Variants in GRIA4 observed in about 807,000 individuals in gnomAD.
GRIA4 encodes the protein glutamate receptor 4.
In GRIA4, 34 loss-of-function variants were observed where a neutral mutation model predicts 104.0. That is an observed-to-expected ratio of 0.33 (90% CI 0.25 to 0.44). The LOEUF (loss-of-function observed/expected upper bound fraction) is 0.44. Ranked by LOEUF, GRIA4 falls within the 20% of genes least tolerant of loss-of-function variation. The pLI is 1.00. For missense variants in GRIA4, 750 were observed against 1,096.5 expected (o/e 0.68, Z 4.46); for synonymous variants, 386 against 381.9 (o/e 1.01, Z -0.13).
At chr11:105,786,242 G>A (rs1288654093) in intron 4 of GRIA4, among the ~76,000 whole-genome samples, 2 of 150,604 alleles carry the variant, frequency 1.3e-5, no homozygotes, top group African/African-American at 4.9e-5. Context: ...CCCACATTAT[G>A]ACTCTTAAGA....
chr11:105,847,148 T>C (rs1340306480), intron 4 of GRIA4, among the ~76,000 whole-genome samples: 1 of 151,240 alleles, frequency 6.6e-6, no homozygotes, highest in African/African-American at 2.4e-5. Flanking sequence ...TCCAGGAAAA[T>C]TGGGGGGATG....
intron 14 of GRIA4, chr11:105,945,455 TC>T: frequency 1.1e-6 from 1 of 918,584 alleles, no homozygotes; most frequent in Non-Finnish European, 1.3e-6. Context: ...TGGGTATTTC[TC>T]CCCTAGGAGG....
chr11:105,635,937 T>C (rs186530113), intron 3 of GRIA4, among the ~76,000 whole-genome samples: 16 of 152,336 alleles, frequency 1.1e-4, no homozygotes, highest in Admixed American at 2.0e-4. Context: ...TCTGTAGCAC[T>C]GATAAGGAAT....
chr11:105,738,930 C>CAAAAAAAAAAAAAA (rs1301890108), intron 3 of GRIA4, among the ~76,000 whole-genome samples: 6 of 80,448 alleles, frequency 7.5e-5, no homozygotes, highest in South Asian at 3.6e-4. Context: ...TAAAAAAAAA[C>CAAAAAAAAAAAAAA]AAAAAAAAAA....
intron 3 of GRIA4, among the ~76,000 whole-genome samples, chr11:105,622,804 TC>T (rs1375345631): frequency 1.3e-5 from 2 of 151,760 alleles, no homozygotes; most frequent in Non-Finnish European, 2.9e-5. Flanking sequence ...TGCATTGCAC[TC>T]ATTAAGTAAT....
chr11:105,659,618 C>A (rs1951948031), intron 3 of GRIA4, among the ~76,000 whole-genome samples: 1 of 151,914 alleles, frequency 6.6e-6, no homozygotes, highest in Non-Finnish European at 1.5e-5. Flanking sequence ...GTGTAAGCCA[C>A]TTTAAGTGAA....
chr11:105,682,808 A>G (rs924960552), intron 3 of GRIA4, among the ~76,000 whole-genome samples: 3 of 152,226 alleles, frequency 2.0e-5, no homozygotes, highest in African/African-American at 7.2e-5. Flanking sequence ...AGTTGCCTTT[A>G]CAGTAATGAA....
chr11:105,877,339 C>T (rs1025287780), intron 5 of GRIA4, among the ~76,000 whole-genome samples: 3 of 152,268 alleles, frequency 2.0e-5, no homozygotes, highest in Admixed American at 1.3e-4. Flanking sequence ...CTGCCCTTAA[C>T]ATTTTTTCCT....
chr11:105,771,318 A>G (rs1229256994), intron 4 of GRIA4, among the ~76,000 whole-genome samples: 1 of 152,064 alleles, frequency 6.6e-6, no homozygotes. Context: ...TCCTATGATT[A>G]TGTTCAATAT....
intron 3 of GRIA4, among the ~76,000 whole-genome samples, chr11:105,718,688 T>A (rs1157171888): frequency 1.3e-5 from 2 of 152,150 alleles, no homozygotes; most frequent in African/African-American, 4.8e-5. Context: ...TCGACCTAGT[T>A]AAGGAACACC....
At chr11:105,933,220 C>A (rs1189271371) in intron 13 of GRIA4, among the ~76,000 whole-genome samples, 1 of 151,464 alleles carries the variant, frequency 6.6e-6, no homozygotes, top group Non-Finnish European at 1.5e-5. Context: ...CCAGTCTGGG[C>A]AACTCAGGAA....
intron 5 of GRIA4, among the ~76,000 whole-genome samples, chr11:105,884,324 G>T (rs1181142113): frequency 1.3e-5 from 2 of 152,166 alleles, no homozygotes; most frequent in African/African-American, 4.8e-5. Context: ...TGCACCCACA[G>T]TCAACTCATT....
At chr11:105,929,707 C>T (rs1476673745) in intron 13 of GRIA4, among the ~76,000 whole-genome samples, 4 of 152,078 alleles carry the variant, frequency 2.6e-5, no homozygotes, top group Non-Finnish European at 5.9e-5. Context: ...GAACATCAGT[C>T]TTGCCAAGTA....
At chr11:105,852,636 T>C (rs1204021971) in intron 4 of GRIA4, among the ~76,000 whole-genome samples, 3 of 152,176 alleles carry the variant, frequency 2.0e-5, no homozygotes, top group African/African-American at 7.2e-5. Context: ...AGAAATTTAA[T>C]AGTGAGCAAT....
At chr11:105,966,201 T>C (rs1273124951) in intron 14 of GRIA4, 1 of 603,822 alleles carries the variant, frequency 1.7e-6, no homozygotes, top group Non-Finnish European at 3.0e-6. Flanking sequence ...ATGCAGTTAC[T>C]GTCAATGCAA....
intron 3 of GRIA4, among the ~76,000 whole-genome samples, chr11:105,693,911 A>C (rs1000792375): frequency 1.3e-5 from 2 of 152,176 alleles, no homozygotes; most frequent in African/African-American, 4.8e-5. Flanking sequence ...GTATGACTCA[A>C]AAAGCCTAAA....
chr11:105,634,827 T>TAGGG (rs776633882), intron 3 of GRIA4, among the ~76,000 whole-genome samples: 17 of 152,228 alleles, frequency 1.1e-4, no homozygotes, highest in Non-Finnish European at 2.2e-4. Flanking sequence ...ACATTGTCAG[T>TAGGG]TATATTCTAG....
At chr11:105,764,894 A>T (rs1005249404) in intron 4 of GRIA4, among the ~76,000 whole-genome samples, 1 of 152,164 alleles carries the variant, frequency 6.6e-6, no homozygotes, top group Non-Finnish European at 1.5e-5. Context: ...GTCTAAAAAC[A>T]TGGGAACAAG....
intron 3 of GRIA4, among the ~76,000 whole-genome samples, chr11:105,626,479 G>T (rs1190996191): frequency 6.6e-6 from 1 of 152,106 alleles, no homozygotes; most frequent in Non-Finnish European, 1.5e-5. Context: ...AGAATGTTAA[G>T]TCACTCAAGA....
Sources: allele counts gnomAD v4.1 joint callset (sites outside exome capture counted in the v4.1 genomes callset), GRCh38; gene constraint gnomAD v4.1.1; transcripts MANE v1.5; gene names NCBI Gene and HGNC (gene_info 2026-07-23, HGNC 2026-07-21).